The following WASF3 variants were observed in gnomAD, a reference collection of about 807,000 sequenced individuals.
WASF3 encodes WASP family member 3.
In WASF3, 11 loss-of-function variants were observed where a neutral mutation model predicts 46.6. That is an observed-to-expected ratio of 0.24 (90% confidence interval 0.15 to 0.39). The LOEUF is 0.39. WASF3 is among the 10% of genes least tolerant of loss of function. WASF3 has a pLI of 1.00. For synonymous variants in WASF3, 242 were observed against 259.7 expected (o/e 0.93, Z 0.65); for missense variants, 576 against 669.8 (o/e 0.86, Z 1.55).
chr13:26,573,200 A>G (rs1300829848), intron 1 of WASF3, among the ~76,000 whole-genome samples: 1 of 152,142 alleles, frequency 6.6e-6, no homozygotes, highest in Non-Finnish European at 1.5e-5. Flanking sequence ...CCATTTGGGT[A>G]AACTCTGTTT....
At chr13:26,597,808 T>C (rs1205077776) in intron 1 of WASF3, among the ~76,000 whole-genome samples, 2 of 152,262 alleles carry the variant, frequency 1.3e-5, no homozygotes, top group Non-Finnish European at 2.9e-5. Flanking sequence ...TCATTTTTTA[T>C]GGCTGCATAG....
In WASF3 at chr13:26,682,661, G is replaced by A. The variant is rs1045201594; in HGVS notation, c.1038G>A (p.Pro346=). The A allele has an allele frequency of 1.7e-5, 27 of 1,613,848 alleles. 1 individual carries two copies. The highest frequency in any genetic ancestry group is 1.5e-4 in the South Asian group (14 of 91,066). ...ACAACCCATCCGGACCACCTCCTCC[G>A]CCACCTCCTCCTGTGATTCCCTCAG... ...EYYNPSGPPP[P]PPPPVIPSAQ... is the part of the protein sequence containing the mutation. The change falls in exon 9 of 10, where the codon CCG becomes CCA. Residue 346 remains proline, a synonymous_variant. Transcript: ENST00000335327. This position sits in a 1 kb window ranked among gnomAD's most constrained non-coding sequence, Gnocchi z 4.4.
At chr13:26,684,165 C>A (rs1883330287) in intron 9 of WASF3, among the ~76,000 whole-genome samples, 1 of 152,078 alleles carries the variant, frequency 6.6e-6, no homozygotes, top group Non-Finnish European at 1.5e-5. Flanking sequence ...CCTCTGTGTA[C>A]CTGGACATCA....
intron 1 of WASF3, among the ~76,000 whole-genome samples, chr13:26,566,147 C>T (rs1879458396): frequency 6.6e-6 from 1 of 152,168 alleles, no homozygotes; most frequent in Admixed American, 6.5e-5. Context: ...TATTGCCCTG[C>T]ATTTTAATAT....
At chr13:26,552,964 A>T (rs1324944366), upstream of WASF3, among the ~76,000 whole-genome samples, 3 of 152,248 alleles carry the variant, frequency 2.0e-5, no homozygotes, top group Non-Finnish European at 4.4e-5. Context: ...GAGGATGCCT[A>T]AGCTGCCTAC....
chr13:26,546,777 A>T, the WASF3 span, among the ~76,000 whole-genome samples: 1 of 152,210 alleles, frequency 6.6e-6, no homozygotes, highest in South Asian at 2.1e-4. Flanking sequence ...AAAATAAACC[A>T]CATCTGTGAC....
intron 2 of WASF3, among the ~76,000 whole-genome samples, chr13:26,625,048 T>G (rs773215340): frequency 1.3e-4 from 20 of 152,040 alleles, no homozygotes; most frequent in Middle Eastern, 3.2e-3. Flanking sequence ...AACAAAGAAA[T>G]GAAGAGACCC....
intron 9 of WASF3, among the ~76,000 whole-genome samples, chr13:26,685,071 G>C (rs1461366972): frequency 5.8e-5 from 8 of 136,844 alleles, no homozygotes; most frequent in African/African-American, 2.9e-5. Flanking sequence ...CTGGGTCACA[G>C]AGTGAGACCC....
At chr13:26,592,985 A>G (rs1004970062) in intron 1 of WASF3, among the ~76,000 whole-genome samples, 55 of 152,126 alleles carry the variant, frequency 3.6e-4, no homozygotes, top group Non-Finnish European at 6.8e-4. Flanking sequence ...TAATATTTTT[A>G]TTTCAGGAAT....
intron 3 of WASF3, among the ~76,000 whole-genome samples, chr13:26,645,084 A>G (rs1163517829): frequency 2.0e-5 from 3 of 152,220 alleles, no homozygotes; most frequent in Non-Finnish European, 4.4e-5. Context: ...AACTGAGTGC[A>G]ATGAACTGAA....
rs1374237571 is a variant in WASF3, at chr13:26,682,877, A to G, written c.1254A>G (p.Pro418=). The change falls in exon 9 of 10, where the codon CCA becomes CCG. Residue 418 remains proline (P), a synonymous_variant. Transcript: ENST00000335327. This position sits in a 1 kb window ranked among gnomAD's most constrained non-coding sequence, Gnocchi z 4.4. ...CCGGGTCTTCTCTTTCGTCCTCCCC[A>G]ATGCATGGCCCCCCAGTAGCTGAGG... ...PGPGSSLSSS[P]MHGPPVAEAK... 4 of 1,599,008 alleles carry G rather than the reference A, an allele frequency of 2.5e-6. No homozygotes were observed. The highest frequency in any genetic ancestry group is 2.2e-5 in the South Asian group (2 of 90,716).
At chr13:26,617,494 T>G (rs977364440) in intron 2 of WASF3, among the ~76,000 whole-genome samples, 3 of 152,206 alleles carry the variant, frequency 2.0e-5, no homozygotes, top group Non-Finnish European at 4.4e-5. Context: ...GTTGCTGCTT[T>G]GTTCAGTGGA....
intron 1 of WASF3, among the ~76,000 whole-genome samples, chr13:26,580,622 C>CTTTTTTT: frequency 1.6e-5 from 2 of 125,168 alleles, no homozygotes; most frequent in African/African-American, 6.1e-5. Flanking sequence ...TTTCTTTTTT[C>CTTTTTTT]TTTCTTTTTT....
chr13:26,557,875 C>A (rs1481311482), intron 1 of WASF3, 56 bp downstream of exon 1: 2 of 295,766 alleles, frequency 6.8e-6, no homozygotes, highest in East Asian at 1.1e-4. Context: ...GTGGCCCTCT[C>A]GGCTCCGGGC....
At chr13:26,575,406 T>A (rs1455923570) in intron 1 of WASF3, among the ~76,000 whole-genome samples, 2 of 152,242 alleles carry the variant, frequency 1.3e-5, no homozygotes, top group African/African-American at 2.4e-5. Flanking sequence ...CCAGTCCTTT[T>A]GCTTACGTTT....
At chr13:26,665,271 A>C in intron 4 of WASF3, 109 bp downstream of exon 4, 2 of 1,330,844 alleles carry the variant, frequency 1.5e-6, no homozygotes, top group Non-Finnish European at 2.1e-6. Flanking sequence ...CTGATATTTC[A>C]TCTTGTCTTT....
intron 1 of WASF3, among the ~76,000 whole-genome samples, chr13:26,610,540 G>A (rs1413513862): frequency 1.3e-5 from 2 of 152,144 alleles, no homozygotes; most frequent in Non-Finnish European, 2.9e-5. Context: ...GATGGATGGA[G>A]GCCATAGCAG....
At chr13:26,610,659 A>G (rs1235239144) in intron 1 of WASF3, among the ~76,000 whole-genome samples, 1 of 152,190 alleles carries the variant, frequency 6.6e-6, no homozygotes, top group African/African-American at 2.4e-5. Context: ...AGGAAGTTAC[A>G]GGGCAATTCT....
chr13:26,610,138 G>A (rs7991225), intron 1 of WASF3, among the ~76,000 whole-genome samples: 7,516 of 152,198 alleles, frequency 0.049, 643 homozygotes, highest in African/African-American at 0.17. Context: ...AGGGGAGTCA[G>A]CATCCCCATC....
Sources: allele counts gnomAD v4.1 joint callset (sites outside exome capture counted in the v4.1 genomes callset), GRCh38; gene constraint gnomAD v4.1.1; non-coding constraint Gnocchi (gnomAD v3.1); transcripts MANE v1.5; gene names NCBI Gene and HGNC (gene_info 2026-07-23, HGNC 2026-07-21).